CHN2: variants seen among roughly 807,000 people sequenced by gnomAD.
The protein encoded by CHN2 is chimerin 2, also known as beta-chimaerin.
Under a neutral mutation model 56.3 loss-of-function variants are expected in CHN2, and 35 were observed. The observed-to-expected ratio is 0.62, with a 90% CI of 0.47 to 0.82. CHN2 has a LOEUF of 0.82. Ranked by LOEUF, CHN2 falls within the 40% of genes least tolerant of loss-of-function variation. The probability of loss-of-function intolerance (pLI) is 0.00; values close to 1 mark genes in which losing one functional copy is unlikely to be tolerated. For missense variants in CHN2, 491 were observed against 580.5 expected, an observed-to-expected ratio of 0.85 and a Z score of 1.58; for synonymous variants, 210 against 212.8, an observed-to-expected ratio of 0.99 and a Z score of 0.12.
chr7:29,331,538 A>G (rs551159053), intron 1 of CHN2, among the ~76,000 whole-genome samples: 1 of 152,126 alleles, frequency 6.6e-6, no homozygotes, highest in East Asian at 2.0e-4. Flanking sequence ...CCTTCCATTG[A>G]CTGAACCTGA....
At chr7:29,219,415 GA>G (rs1234860709) in intron 1 of CHN2, among the ~76,000 whole-genome samples, 1 of 152,130 alleles carries the variant, frequency 6.6e-6, no homozygotes, top group Non-Finnish European at 1.5e-5. Context: ...AAAAGAAAGT[GA>G]AAAGAAGAAA....
upstream of CHN2, chr7:29,194,607 G>A: frequency 3.8e-6 from 1 of 260,004 alleles, no homozygotes; most frequent in South Asian, 1.5e-4. Context: ...GCGCACAGGG[G>A]AGCGTGGACG....
chr7:29,505,334 A>G (rs1337901394), intron 10 of CHN2, among the ~76,000 whole-genome samples: 1 of 152,230 alleles, frequency 6.6e-6, no homozygotes, highest in Non-Finnish European at 1.5e-5. Flanking sequence ...GGATAAGCCC[A>G]AGAATCTGTA....
chr7:29,197,655 T>C (rs1239563659), intron 1 of CHN2, among the ~76,000 whole-genome samples: 1 of 152,248 alleles, frequency 6.6e-6, no homozygotes, highest in Admixed American at 6.5e-5. Flanking sequence ...ATCTTGAATT[T>C]TGGGCTTCAT....
chr7:29,369,302 A>G (rs538354875), intron 3 of CHN2, among the ~76,000 whole-genome samples: 2 of 152,336 alleles, frequency 1.3e-5, no homozygotes, highest in East Asian at 3.9e-4. Flanking sequence ...TAAAATTAGA[A>G]TACAACTAAA....
intron 1 of CHN2, among the ~76,000 whole-genome samples, chr7:29,334,193 G>A (rs976254635): frequency 2.0e-5 from 3 of 151,738 alleles, no homozygotes; most frequent in African/African-American, 7.3e-5. Context: ...TGGGATTAGA[G>A]GCACTCACCA....
At chr7:29,506,815 T>C (rs1790621095) in intron 10 of CHN2, among the ~76,000 whole-genome samples, 1 of 152,188 alleles carries the variant, frequency 6.6e-6, no homozygotes. Flanking sequence ...AACAATCATT[T>C]TGTGAACGTG....
intron 2 of CHN2, among the ~76,000 whole-genome samples, chr7:29,359,120 C>T (rs1210010275): frequency 6.6e-6 from 1 of 152,138 alleles, no homozygotes; most frequent in Non-Finnish European, 1.5e-5. Context: ...CTTAATTGAC[C>T]TGGGTTACCC....
At chr7:29,506,996 G>A (rs1003407410) in intron 10 of CHN2, among the ~76,000 whole-genome samples, 1 of 152,146 alleles carries the variant, frequency 6.6e-6, no homozygotes, top group Non-Finnish European at 1.5e-5. Context: ...CCAAATCACT[G>A]TTTGAAGTTT....
intron 6 of CHN2, among the ~76,000 whole-genome samples, chr7:29,470,836 C>T (rs1785963780): frequency 6.6e-6 from 1 of 152,216 alleles, no homozygotes; most frequent in Admixed American, 6.5e-5. Flanking sequence ...AGTGTCTTGA[C>T]TTTTGTAGGA....
chr7:29,430,325 T>C (rs1463294678), intron 6 of CHN2, among the ~76,000 whole-genome samples: 1 of 152,210 alleles, frequency 6.6e-6, no homozygotes, highest in Non-Finnish European at 1.5e-5. Flanking sequence ...AGATTGCTGT[T>C]CCATCACAGG....
At chr7:29,508,485 G>A (rs1265602776) in intron 11 of CHN2, among the ~76,000 whole-genome samples, 4 of 151,060 alleles carry the variant, frequency 2.6e-5, no homozygotes, top group Non-Finnish European at 4.4e-5. Context: ...GTAATGAGAT[G>A]CCTGATGGGG....
At chr7:29,205,690 A>C (rs1472759072) in intron 1 of CHN2, among the ~76,000 whole-genome samples, 3 of 152,170 alleles carry the variant, frequency 2.0e-5, no homozygotes, top group African/African-American at 7.2e-5. Flanking sequence ...GTGCCAACTT[A>C]GAGTTTCTCT....
At chr7:29,184,077 T>C (rs1187907438) in intron 2 of CHN2, among the ~76,000 whole-genome samples, 1 of 151,828 alleles carries the variant, frequency 6.6e-6, no homozygotes, top group Admixed American at 6.6e-5. Context: ...GATTTTGATA[T>C]CTGAGTGGGG....
In CHN2 at chr7:29,360,498, C is replaced by A. The variant is rs537108010; in HGVS notation, c.88+5835C>A. 5.3e-5 allele frequency among the ~76,000 whole-genome samples: 8 copies of A among 152,186 alleles called. No individual in the cohort carries two copies. In the South Asian group the frequency reaches 1.7e-3, roughly 32 times the overall value. Reference sequence around the variant, plus strand: ...TCATGCCATTGCACTGCAGCCTGGGCAACAAGTGCAAAACCCCGTCTCAAA... The same window carrying A: ...TCATGCCATTGCACTGCAGCCTGGGAAACAAGTGCAAAACCCCGTCTCAAA... On this transcript the variant is annotated intron_variant, in intron 2 of 12. Coordinates refer to ENST00000222792, the MANE Select transcript of CHN2 (RefSeq NM_004067.4).
rs3812341 is a variant in CHN2, at chr7:29,292,169, C to T, written c.50-62456C>T. ...GGGAGGCAGAGGATGGAGCGAGAGA[C>T]GGGCCAGCACCCTTAATTCTTCTCT... On this transcript the variant is annotated intron_variant, in intron 1 of 12. Transcript: ENST00000222792. Among the ~76,000 whole-genome samples the T allele has an allele frequency of 5.2e-4, 79 of 152,212 alleles. No homozygotes were observed. The East Asian group carries it at 0.014, about 27-fold the overall frequency.
chr7:29,506,923 T>C (rs1184751626), intron 10 of CHN2, among the ~76,000 whole-genome samples: 1 of 152,196 alleles, frequency 6.6e-6, no homozygotes, highest in African/African-American at 2.4e-5. Flanking sequence ...TTATGAACCT[T>C]AGTGTCCATA....
intron 1 of CHN2, among the ~76,000 whole-genome samples, chr7:29,224,373 T>C (rs1786036502): frequency 6.6e-6 from 1 of 152,228 alleles, no homozygotes; most frequent in African/African-American, 2.4e-5. Flanking sequence ...TTAAGTTATA[T>C]TCATAACTAA....
At chr7:29,263,972 G>A (rs568808761) in intron 1 of CHN2, among the ~76,000 whole-genome samples, 220 of 121,338 alleles carry the variant, frequency 1.8e-3, no homozygotes, top group Non-Finnish European at 2.7e-3. Context: ...CTGGGAGGTG[G>A]GGGGGCAGCC....
Sources: allele counts gnomAD v4.1 joint callset (sites outside exome capture counted in the v4.1 genomes callset), GRCh38; gene constraint gnomAD v4.1.1; transcripts MANE v1.5; gene names NCBI Gene and HGNC (gene_info 2026-07-23, HGNC 2026-07-21).